Variants in CPT1A observed in about 807,000 individuals in gnomAD.
The protein encoded by CPT1A is carnitine O-palmitoyltransferase 1, liver isoform.
In CPT1A, 64 loss-of-function variants were observed where a neutral mutation model predicts 100.8. The observed-to-expected ratio is 0.63, with a 90% CI of 0.52 to 0.78. The LOEUF is 0.78. CPT1A is among the 30% of genes least tolerant of loss of function. The probability of loss-of-function intolerance (pLI) is 0.00; values close to 1 mark genes in which losing one functional copy is unlikely to be tolerated. For synonymous variants in CPT1A, 363 were observed against 396.0 expected (o/e 0.92, Z 0.99); for missense variants, 802 against 1,034.1 (o/e 0.78, Z 3.08).
At chr11:68,824,629 A>G (rs1411423326) in intron 1 of CPT1A, among the ~76,000 whole-genome samples, 2 of 152,150 alleles carry the variant, frequency 1.3e-5, no homozygotes, top group Non-Finnish European at 2.9e-5. Context: ...GCAGTGGCAC[A>G]ATCACAGCTC....
chr11:68,778,118 T>C (rs1855191274), intron 12 of CPT1A, among the ~76,000 whole-genome samples: 2 of 151,878 alleles, frequency 1.3e-5, no homozygotes, highest in South Asian at 2.1e-4. Context: ...TTTTCCTACA[T>C]AGAAAACCTC....
rs562386149 is a variant in CPT1A, at chr11:68,775,548, T to C, written c.1459-116A>G. On this transcript the variant is annotated intron_variant, in intron 12 of 18. Transcript: ENST00000265641. ...GATGTTACAAAGTTTGAATCACAGC[T>C]GTTAAGGCTTCCAGTATGCTCAGCA... 28 of 798,816 alleles carry C rather than the reference T, an allele frequency of 3.5e-5. No individual in the cohort carries two copies. The East Asian group carries it at 7.1e-4, about 20-fold the overall frequency. The allele number at this position is 798,816 out of a possible 1,614,324, so 49.5% of individuals were successfully genotyped here. A position where few individuals can be genotyped will look rare whatever the true frequency, so the allele number is the denominator to read the frequency against.
intron 1 of CPT1A, among the ~76,000 whole-genome samples, chr11:68,840,641 T>C (rs549642188): frequency 5.2e-4 from 79 of 152,332 alleles, no homozygotes; most frequent in Non-Finnish European, 9.0e-4. Context: ...ACTCTCTGAG[T>C]TGTTTTCTTT....
intron 1 of CPT1A, among the ~76,000 whole-genome samples, chr11:68,835,806 A>C (rs918212692): frequency 1.2e-4 from 18 of 152,246 alleles, no homozygotes; most frequent in Admixed American, 1.1e-3. Context: ...ATCTGGGTTC[A>C]AATCCCAGCT....
chr11:68,825,164 G>C (rs1008796614), intron 1 of CPT1A, among the ~76,000 whole-genome samples: 1 of 152,104 alleles, frequency 6.6e-6, no homozygotes, highest in Non-Finnish European at 1.5e-5. Flanking sequence ...GGGTAGGAAG[G>C]AGCCATGTGT....
chr11:68,843,739 A>G (rs912878551), upstream of CPT1A, among the ~76,000 whole-genome samples: 15 of 152,170 alleles, frequency 9.9e-5, no homozygotes, highest in African/African-American at 3.6e-4. The surrounding 1 kb of genome is among the most constrained non-coding windows in gnomAD (Gnocchi z 4.0). Flanking sequence ...CGACCCCCGC[A>G]GATTTCACCG....
intron 9 of CPT1A, among the ~76,000 whole-genome samples, chr11:68,791,973 C>CTGACTAGGGCTTGGTCTGGAATAT (rs1356372294): frequency 6.6e-6 from 1 of 152,158 alleles, no homozygotes; most frequent in Admixed American, 6.6e-5. Context: ...GTGCACACTA[C>CTGACTAGGGCTTGGTCTGGAATAT]TGACTAGGGC....
intron 2 of CPT1A, among the ~76,000 whole-genome samples, chr11:68,814,475 T>C (rs1176097799): frequency 1.3e-5 from 2 of 151,302 alleles, no homozygotes; most frequent in African/African-American, 4.9e-5. Flanking sequence ...CCCGGCTAAT[T>C]TTTTGTATTT....
At chr11:68,775,275 C>A (rs1176747920) in intron 13 of CPT1A, 41 bp downstream of exon 13, 1 of 1,485,206 alleles carries the variant, frequency 6.7e-7, no homozygotes, top group East Asian at 2.3e-5. Context: ...ATGTGTTTCC[C>A]ATCCCAGGTA....
chr11:68,783,727 C>CTGCT (rs1258826733), intron 10 of CPT1A, among the ~76,000 whole-genome samples: 1 of 152,214 alleles, frequency 6.6e-6, no homozygotes, highest in East Asian at 1.9e-4. Flanking sequence ...GAGGCCAGGG[C>CTGCT]TGCTGCTCAG....
chr11:68,811,670 C>T (rs1337337810), intron 3 of CPT1A, among the ~76,000 whole-genome samples: 1 of 152,178 alleles, frequency 6.6e-6, no homozygotes, highest in Admixed American at 6.6e-5. Flanking sequence ...CTGCACCTGT[C>T]TGAATGCTTT....
At chr11:68,831,790 C>T (rs138827054) in intron 1 of CPT1A, among the ~76,000 whole-genome samples, 9,529 of 151,900 alleles carry the variant, frequency 0.063, 432 homozygotes, top group South Asian at 0.14. Flanking sequence ...CGCACCACCA[C>T]GCCTGGCTAA....
chr11:68,837,378 G>A (rs1218277551), intron 1 of CPT1A, among the ~76,000 whole-genome samples: 15 of 152,200 alleles, frequency 9.9e-5, no homozygotes, highest in African/African-American at 4.8e-5. Context: ...AGAACACAGC[G>A]TTAGGAAAGC....
chr11:68,829,447 TG>T (rs141178285), intron 1 of CPT1A, among the ~76,000 whole-genome samples: 2,317 of 152,258 alleles, frequency 0.015, 61 homozygotes, highest in African/African-American at 0.054. Context: ...GCGTGACCAT[TG>T]GGATCCAAGC....
At chr11:68,773,633 G>A in intron 13 of CPT1A, 1 of 832,658 alleles carries the variant, frequency 1.2e-6, no homozygotes, top group Non-Finnish European at 1.8e-6. Context: ...GTTATAGCAG[G>A]TAGCGGGTCT....
intron 1 of CPT1A, among the ~76,000 whole-genome samples, chr11:68,830,132 G>T (rs1233995585): frequency 6.6e-6 from 1 of 152,128 alleles, no homozygotes; most frequent in Non-Finnish European, 1.5e-5. Flanking sequence ...CAAAAAATTA[G>T]CTGGATGTGG....
intron 14 of CPT1A, among the ~76,000 whole-genome samples, chr11:68,769,403 A>ATTTTTTTTTT (rs528320899): frequency 2.3e-5 from 3 of 133,318 alleles, no homozygotes; most frequent in African/African-American, 2.8e-5. Flanking sequence ...TGCTGGGCTA[A>ATTTTTTTTTT]TTTTTTTTTT....
Position 68,757,393 on chromosome 11 carries a change from C to T in CPT1A, c.*251G>A, listed in dbSNP as rs955765459. 1.5e-6 allele frequency: 2 copies of T among 1,369,246 alleles called. No individual in the cohort carries two copies. The highest frequency in any genetic ancestry group is 1.9e-6 in the Non-Finnish European group (2 of 1,060,688). 84.8% of individuals were successfully genotyped at this position (1,369,246 alleles called of 1,614,324 possible). A position where few individuals can be genotyped will look rare whatever the true frequency, so the allele number is the denominator to read the frequency against. ...ATTTGCATCCCTTAATAAATCCAAG[C>T]CGATGCGGAGACATCAGGGGAGACT... On this transcript the variant is annotated 3_prime_UTR_variant, in exon 19 of 19. Coordinates refer to ENST00000265641, the MANE Select transcript of CPT1A (RefSeq NM_001876.4).
Position 68,822,825 on chromosome 11 carries a change from C to T in CPT1A, c.-13-7338G>A, listed in dbSNP as rs187620793. On this transcript the variant is annotated intron_variant, in intron 1 of 18. Coordinates refer to ENST00000265641, the MANE Select transcript of CPT1A (RefSeq NM_001876.4). ...AAGACGTGATGCTGAGTGAAAGAAGCCATACAGAAGGTCATATATTGCTGA... is the reference window on the plus strand; with the variant it reads ...AAGACGTGATGCTGAGTGAAAGAAGTCATACAGAAGGTCATATATTGCTGA... Among the ~76,000 whole-genome samples, 162 of 152,148 alleles carry T rather than the reference C, an allele frequency of 1.1e-3. 1 individual carries two copies. The highest frequency in any genetic ancestry group is 3.7e-3 in the African/African-American group (153 of 41,508).
Sources: gnomAD v4.1 joint callset for allele counts (sites outside exome capture counted in the v4.1 genomes callset) on GRCh38, gnomAD v4.1.1 for gene constraint, Gnocchi (gnomAD v3.1) non-coding constraint, MANE v1.5 for transcripts, NCBI Gene and HGNC (gene_info 2026-07-23, HGNC 2026-07-21) for gene names.